SCHIP1: variants seen among roughly 807,000 people sequenced by gnomAD.
SCHIP1 encodes schwannomin-interacting protein 1.
SCHIP1 carries 8 observed loss-of-function variants against 29.7 expected under a neutral mutation model. The observed-to-expected ratio is 0.27, with a 90% CI of 0.16 to 0.49. The LOEUF (loss-of-function observed/expected upper bound fraction) is 0.49, where lower values mean the gene tolerates loss of function less well. Ranked by LOEUF, SCHIP1 falls within the 20% of genes least tolerant of loss-of-function variation. The pLI is 0.99. For missense variants in SCHIP1, 193 were observed against 294.6 expected, an observed-to-expected ratio of 0.66 and a Z score of 2.52; for synonymous variants, 76 against 94.9, an observed-to-expected ratio of 0.80 and a Z score of 1.16.
chr3:159,309,405 C>T, the SCHIP1 span, among the ~76,000 whole-genome samples: 4 of 152,110 alleles, frequency 2.6e-5, no homozygotes, highest in East Asian at 1.9e-4. Context: ...GAGGGACTGA[C>T]GCTTCTGTGT....
intron 2 of SCHIP1, among the ~76,000 whole-genome samples, chr3:159,881,199 T>A (rs1716403984): frequency 6.6e-6 from 1 of 152,222 alleles, no homozygotes; most frequent in African/African-American, 2.4e-5. Context: ...TGAAATGTGT[T>A]TTTAGATACT....
At chr3:159,724,327 G>A in the SCHIP1 span, among the ~76,000 whole-genome samples, 1 of 152,106 alleles carries the variant, frequency 6.6e-6, no homozygotes, top group Admixed American at 6.6e-5. Flanking sequence ...TAGGAGGAAG[G>A]GCAGGGAAAG....
the SCHIP1 span, among the ~76,000 whole-genome samples, chr3:159,441,650 GC>G: frequency 2.6e-5 from 4 of 152,064 alleles, no homozygotes; most frequent in Non-Finnish European, 5.9e-5. Flanking sequence ...ATAGACCCTG[GC>G]TTTGGGACCC....
At chr3:159,680,969 C>T in the SCHIP1 span, among the ~76,000 whole-genome samples, 5 of 151,110 alleles carry the variant, frequency 3.3e-5, no homozygotes, top group Non-Finnish European at 5.9e-5. Flanking sequence ...CTTCGAATAT[C>T]AACTTTTGGA....
the SCHIP1 span, among the ~76,000 whole-genome samples, chr3:159,790,011 C>T: frequency 5.9e-5 from 9 of 151,978 alleles, no homozygotes; most frequent in Admixed American, 1.3e-4. Flanking sequence ...TTGCTGCAAC[C>T]GCTCCCACCG....
chr3:159,311,527 T>C, the SCHIP1 span, among the ~76,000 whole-genome samples: 1 of 152,154 alleles, frequency 6.6e-6, no homozygotes, highest in African/African-American at 2.4e-5. Context: ...GCTAATAATC[T>C]ATAATTATTA....
chr3:159,474,577 T>G, the SCHIP1 span, among the ~76,000 whole-genome samples: 1 of 152,136 alleles, frequency 6.6e-6, no homozygotes, highest in South Asian at 2.1e-4. Flanking sequence ...TTATTAATAA[T>G]AGAATATATG....
chr3:159,667,838 CAA>C, the SCHIP1 span, among the ~76,000 whole-genome samples: 2 of 152,226 alleles, frequency 1.3e-5, no homozygotes, highest in Non-Finnish European at 2.9e-5. Context: ...TAGAACTAAA[CAA>C]GAGTTCCACC....
At chr3:159,888,827 A>C in exon 5 of SCHIP1, 2 of 1,613,980 alleles carry the variant, frequency 1.2e-6, no homozygotes, top group Non-Finnish European at 1.7e-6. Context: ...CAGCTGCCAC[A>C]CATGCCTCAT....
chr3:159,809,660 CAAAA>C, the SCHIP1 span, among the ~76,000 whole-genome samples: 6 of 98,530 alleles, frequency 6.1e-5, no homozygotes, highest in Admixed American at 1.1e-4. Context: ...AACTCCATCT[CAAAA>C]AAAAAAAAAA....
At chr3:159,355,608 T>C in the SCHIP1 span, among the ~76,000 whole-genome samples, 4 of 152,164 alleles carry the variant, frequency 2.6e-5, no homozygotes, top group Admixed American at 2.6e-4. Context: ...GATTCAAAAT[T>C]ATATTCTATT....
the SCHIP1 span, among the ~76,000 whole-genome samples, chr3:159,509,764 C>T: frequency 6.6e-6 from 1 of 152,126 alleles, no homozygotes; most frequent in Non-Finnish European, 1.5e-5. Flanking sequence ...TGGGTTGAAA[C>T]TTCTTTTCTT....
chr3:159,750,296 T>TATATATACACACAC, the SCHIP1 span, among the ~76,000 whole-genome samples: 7 of 132,740 alleles, frequency 5.3e-5, no homozygotes, highest in African/African-American at 2.2e-4. Context: ...TATATATATA[T>TATATATACACACAC]ACACACACAC....
intron 2 of SCHIP1, among the ~76,000 whole-genome samples, chr3:159,877,108 GGAGGCCAAGGCAGGTGGATCACCT>G (rs2109347068): frequency 6.6e-6 from 1 of 152,296 alleles, no homozygotes; most frequent in Non-Finnish European, 1.5e-5. Flanking sequence ...CAGCACTTTA[GGAGGCCAAGGCAGGTGGATCACCT>G]GAGGTCAGGA....
chr3:159,626,153 T>G, the SCHIP1 span, among the ~76,000 whole-genome samples: 7 of 110,678 alleles, frequency 6.3e-5, no homozygotes, highest in African/African-American at 4.6e-4. Flanking sequence ...TCTAGATATA[T>G]ATATATATCT....
chr3:159,389,525 T>C, the SCHIP1 span, among the ~76,000 whole-genome samples: 1 of 152,044 alleles, frequency 6.6e-6, no homozygotes, highest in Non-Finnish European at 1.5e-5. Flanking sequence ...GCAATTCCAC[T>C]TATAGAAAAT....
At chr3:159,371,400 A>AAGGGACTG in the SCHIP1 span, among the ~76,000 whole-genome samples, 1 of 152,300 alleles carries the variant, frequency 6.6e-6, no homozygotes, top group Middle Eastern at 3.4e-3. Context: ...TCTTCTACAG[A>AAGGGACTG]AGGGACTGAG....
the SCHIP1 span, among the ~76,000 whole-genome samples, chr3:159,680,725 TATA>T: frequency 2.1e-4 from 15 of 71,522 alleles, no homozygotes; most frequent in African/African-American, 5.3e-4. Flanking sequence ...TATATGTATA[TATA>T]TAATATACAT....
chr3:159,603,353 T>A, the SCHIP1 span, among the ~76,000 whole-genome samples: 1 of 152,294 alleles, frequency 6.6e-6, no homozygotes, highest in Admixed American at 6.5e-5. Flanking sequence ...TAGACATGAT[T>A]GATTAAATCA....
Sources: allele counts gnomAD v4.1 joint callset (sites outside exome capture counted in the v4.1 genomes callset), GRCh38; gene constraint gnomAD v4.1.1; transcripts MANE v1.5; gene names NCBI Gene and HGNC (gene_info 2026-07-23, HGNC 2026-07-21).